Variants in ZNRF1 observed in about 807,000 individuals in gnomAD.
ZNRF1 encodes zinc and ring finger 1.
Under a neutral mutation model 18.4 loss-of-function variants are expected in ZNRF1, and 3 were observed. The observed-to-expected ratio is 0.16, with a 90% CI of 0.07 to 0.42. ZNRF1 has a LOEUF of 0.42. ZNRF1 is among the 10% of genes least tolerant of loss of function. The pLI is 0.99. For synonymous variants in ZNRF1, 157 were observed against 144.2 expected, an observed-to-expected ratio of 1.09 and a Z score of -0.64; for missense variants, 310 against 329.8, an observed-to-expected ratio of 0.94 and a Z score of 0.47.
rs1257349530 is a variant in ZNRF1, at chr16:75,030,129, G to A, written c.424+30034G>A. ...ATACCATACAATTCACTCATTCAAA[G>A]TAAACAGTTGAATGGTTTTTAGTAT... On this transcript the variant is annotated intron_variant, in intron 1 of 4. Coordinates refer to ENST00000335325, the MANE Select transcript of ZNRF1 (RefSeq NM_032268.5). 2.0e-5 allele frequency among the ~76,000 whole-genome samples: 3 copies of A among 148,512 alleles called. No homozygotes were observed. In the East Asian group the frequency reaches 5.9e-4, roughly 29 times the overall value.
intron 1 of ZNRF1, among the ~76,000 whole-genome samples, chr16:75,035,393 A>C (rs574708823): frequency 1.3e-5 from 2 of 151,850 alleles, no homozygotes; most frequent in Non-Finnish European, 2.9e-5. Context: ...GAGACATCTT[A>C]CTCTGTCACC....
At chr16:75,093,504 G>C in intron 1 of ZNRF1, 68 bp from the exon 2 acceptor site, 2 of 1,236,556 alleles carry the variant, frequency 1.6e-6, no homozygotes, top group Non-Finnish European at 2.4e-6. Context: ...TCATTCGAGA[G>C]TGTCCACATG....
intron 1 of ZNRF1, among the ~76,000 whole-genome samples, chr16:75,009,134 T>G (rs994330531): frequency 9.2e-5 from 14 of 152,222 alleles, no homozygotes; most frequent in Non-Finnish European, 1.9e-4. Flanking sequence ...TAAATCTGTC[T>G]CTGTAAAATT....
At chr16:75,039,466 A>G (rs903421741) in intron 1 of ZNRF1, among the ~76,000 whole-genome samples, 1 of 152,226 alleles carries the variant, frequency 6.6e-6, no homozygotes, top group Admixed American at 6.5e-5. Context: ...GAAACTACTT[A>G]TAAAAATCCT....
intron 1 of ZNRF1, among the ~76,000 whole-genome samples, chr16:75,046,448 C>T (rs1428851171): frequency 6.6e-6 from 1 of 151,702 alleles, no homozygotes; most frequent in Admixed American, 6.6e-5. Flanking sequence ...GACGGGGTTT[C>T]ACCATGTTGC....
chr16:75,002,815 C>T (rs1300017383), intron 1 of ZNRF1, among the ~76,000 whole-genome samples: 2 of 152,242 alleles, frequency 1.3e-5, no homozygotes, highest in Non-Finnish European at 2.9e-5. Context: ...GTGACCCCCA[C>T]GTATACCATT....
At chr16:75,092,966 C>G (rs553709831) in intron 1 of ZNRF1, among the ~76,000 whole-genome samples, 34 of 152,274 alleles carry the variant, frequency 2.2e-4, no homozygotes, top group African/African-American at 7.0e-4. Context: ...CCAGACCCAT[C>G]TGAGAAAGGG....
Position 75,108,546 on chromosome 16 carries a change from G to A in ZNRF1, c.*846G>A. 5.0e-6 allele frequency: 2 copies of A among 398,412 alleles called. No individual in the cohort carries two copies. The highest frequency in any genetic ancestry group is 1.3e-4 in the South Asian group (1 of 7,836). The allele number at this position is 398,412 out of a possible 1,614,324, so 24.7% of individuals were successfully genotyped here. On this transcript the variant is annotated 3_prime_UTR_variant, in exon 5 of 5. Coordinates refer to ENST00000335325, the MANE Select transcript of ZNRF1 (RefSeq NM_032268.5). ...GTTTGAGAACATTTTAGCCATTGAT[G>A]TTCACACGTGGCATCAGCCCATGCA...
chr16:75,093,501 A>C, intron 1 of ZNRF1, 71 bp from the exon 2 acceptor site: 2 of 1,235,060 alleles, frequency 1.6e-6, no homozygotes, highest in Non-Finnish European at 2.4e-6. Context: ...CTGTCATTCG[A>C]GAGTGTCCAC....
chr16:75,057,084 G>A (rs963132815), intron 1 of ZNRF1, among the ~76,000 whole-genome samples: 3 of 152,124 alleles, frequency 2.0e-5, no homozygotes, highest in Non-Finnish European at 4.4e-5. Context: ...CCGTAATGCT[G>A]TTGCATTTTC....
At position 74,999,521 on chromosome 16, in the gene ZNRF1, CTTTTTTCCTTTTGCT is replaced by C. The variant is rs1244816531; in HGVS notation, c.-138_-124del. On this transcript the variant is annotated 5_prime_UTR_variant, in exon 1 of 5. Coordinates refer to ENST00000335325, the MANE Select transcript of ZNRF1 (RefSeq NM_032268.5). ...CCTCTTCCGCCCCGCGGGTTTTTTC[CTTTTTTCCTTTTGCT>C]TTTTTTCCTTTTCTCCCTCCGGGTC... 1.1e-5 allele frequency: 6 copies of C among 570,802 alleles called. No individual in the cohort carries two copies. The highest frequency in any genetic ancestry group is 4.9e-4 in the Middle Eastern group (1 of 2,042). The allele number at this position is 570,802 out of a possible 1,614,324, so 35.4% of individuals were successfully genotyped here.
chr16:75,109,251 G>C lies in ZNRF1; in HGVS notation c.*1551G>C, dbSNP rs2036352526. ...TGGCAAAATGCGGGCTGGGCAGGCAGCTCGGGGCAGGGAGCAGCAGTGCAG... is the reference window on the plus strand; with the variant it reads ...TGGCAAAATGCGGGCTGGGCAGGCACCTCGGGGCAGGGAGCAGCAGTGCAG... On this transcript the variant is annotated 3_prime_UTR_variant, in exon 5 of 5. Coordinates refer to ENST00000335325, the MANE Select transcript of ZNRF1 (RefSeq NM_032268.5). 6.5e-6 allele frequency: 1 copy of C among 152,760 alleles called. No homozygotes were observed. The highest frequency in any genetic ancestry group is 2.4e-5 in the African/African-American group (1 of 41,474). The allele number at this position is 152,760 out of a possible 1,614,324, so 9.5% of individuals were successfully genotyped here. A position where few individuals can be genotyped will look rare whatever the true frequency, so the allele number is the denominator to read the frequency against.
chr16:75,018,745 C>T lies in ZNRF1; in HGVS notation c.424+18650C>T, dbSNP rs554142314. 1.2e-4 allele frequency among the ~76,000 whole-genome samples: 18 copies of T among 152,150 alleles called. No individual in the cohort carries two copies. The East Asian group carries it at 3.1e-3, about 26-fold the overall frequency. Reference sequence around the variant, plus strand: ...CCTTATATTCTTGAAATTAATCCTGCTTGGTTGTGATGTATTTTTTTAATA... The same window carrying T: ...CCTTATATTCTTGAAATTAATCCTGTTTGGTTGTGATGTATTTTTTTAATA... On this transcript the variant is annotated intron_variant, in intron 1 of 4. Coordinates refer to ENST00000335325, the MANE Select transcript of ZNRF1 (RefSeq NM_032268.5).
intron 1 of ZNRF1, 128 bp downstream of exon 1, chr16:75,000,223 A>T: frequency 1.5e-6 from 2 of 1,332,098 alleles, no homozygotes; most frequent in East Asian, 2.5e-5. Flanking sequence ...TTGGTTCCCG[A>T]TGCCAAGGGA....
intron 1 of ZNRF1, among the ~76,000 whole-genome samples, chr16:75,030,478 T>C (rs1028736880): frequency 6.6e-6 from 1 of 151,954 alleles, no homozygotes; most frequent in African/African-American, 2.4e-5. Flanking sequence ...AAAAAAACTA[T>C]AAAACTCTTA....
intron 1 of ZNRF1, among the ~76,000 whole-genome samples, chr16:75,037,961 T>C (rs895369633): frequency 6.6e-5 from 10 of 152,158 alleles, no homozygotes; most frequent in African/African-American, 9.7e-5. Flanking sequence ...TGAACACTTA[T>C]TTTCTTCCTT....
chr16:75,093,384 CA>C (rs574718849), intron 1 of ZNRF1, among the ~76,000 whole-genome samples, 187 bp from the exon 2 acceptor site: 1,456 of 67,918 alleles, frequency 0.021, 14 homozygotes, highest in African/African-American at 0.05. Flanking sequence ...GACTTCGTCT[CA>C]AAAAAAAAAA....
chr16:75,086,628 T>G (rs2036077408), intron 1 of ZNRF1, among the ~76,000 whole-genome samples: 1 of 152,248 alleles, frequency 6.6e-6, no homozygotes, highest in African/African-American at 2.4e-5. Flanking sequence ...CCCTTGATCT[T>G]TTATTCATAA....
At chr16:75,074,003 T>C (rs2035906706) in intron 1 of ZNRF1, among the ~76,000 whole-genome samples, 1 of 152,178 alleles carries the variant, frequency 6.6e-6, no homozygotes, top group Non-Finnish European at 1.5e-5. Context: ...CTCTAGAATC[T>C]TGCAGTGCTA....
Sources: gnomAD v4.1 joint callset for allele counts (sites outside exome capture counted in the v4.1 genomes callset) on GRCh38, gnomAD v4.1.1 for gene constraint, MANE v1.5 for transcripts, NCBI Gene and HGNC (gene_info 2026-07-23, HGNC 2026-07-21) for gene names.